CD101: variants seen among roughly 807,000 people sequenced by gnomAD.
The protein encoded by CD101 is CD101 molecule.
A neutral mutation model predicts 98.2 loss-of-function variants in CD101; 76 were observed. The observed-to-expected ratio is 0.77, with a 90% CI of 0.64 to 0.94. CD101 has a LOEUF of 0.94. CD101 is among the 40% of genes least tolerant of loss of function. The pLI, the probability that CD101 is intolerant of heterozygous loss-of-function variation, is 0.00. For synonymous variants in CD101, 471 were observed against 472.7 expected (o/e 1.00, Z 0.05); for missense variants, 1,145 against 1,218.8 (o/e 0.94, Z 0.90).
chr1:117,008,841 G>A (rs1652699471), intron 1 of CD101, among the ~76,000 whole-genome samples: 1 of 152,132 alleles, frequency 6.6e-6, no homozygotes, highest in Non-Finnish European at 1.5e-5. Context: ...CATAAGGCCA[G>A]CAATCTCTCC....
At chr1:117,031,359 C>T (rs925104773) in intron 8 of CD101, among the ~76,000 whole-genome samples, 2 of 152,178 alleles carry the variant, frequency 1.3e-5, no homozygotes, top group East Asian at 1.9e-4. Flanking sequence ...CCATCATTAC[C>T]CCACCATTCT....
intron 1 of CD101, among the ~76,000 whole-genome samples, chr1:117,008,257 G>C (rs1652657204): frequency 6.6e-6 from 1 of 152,144 alleles, no homozygotes; most frequent in Non-Finnish European, 1.5e-5. Flanking sequence ...TTGAGGTCAG[G>C]AGTTCGAGAC....
intron 6 of CD101, among the ~76,000 whole-genome samples, chr1:117,020,670 C>G (rs1272269341): frequency 3.3e-5 from 5 of 152,202 alleles, no homozygotes; most frequent in Non-Finnish European, 7.3e-5. Flanking sequence ...TAGAATGGCT[C>G]TTTGTCTACA....
In CD101 at chr1:117,025,378, T is replaced by TA. The variant is rs200316636; in HGVS notation, c.2429-123dup. ...ACTCTGTCTCAAAAAATAAAAATAA[T>TA]AAAAAAAATAAAATGAATGCACTGA... On this transcript the variant is annotated intron_variant, in intron 7 of 9. Transcript: ENST00000682167. The TA allele has an allele frequency of 6.0e-4, 446 of 738,978 alleles. 8 individuals are homozygous for TA. The East Asian group carries it at 0.011, about 19-fold the overall frequency. The allele number at this position is 738,978 out of a possible 1,614,324, so 45.8% of individuals were successfully genotyped here. A position where few individuals can be genotyped will look rare whatever the true frequency, so the allele number is the denominator to read the frequency against.
chr1:117,013,655 T>C lies in CD101; in HGVS notation c.1091T>C (p.Ile364Thr), dbSNP rs748970193. The change falls in exon 4 of 10, where the codon ATC (isoleucine) becomes ACC (threonine). Residue 364 changes from isoleucine (I) to threonine (T), a missense_variant. By Grantham distance (89) the Ile-to-Thr change is moderately conservative. Transcript: ENST00000682167. ...GGCCCCAAGGCTTTCTCTCTCAAGA[T>C]CTTCTCTCTGGGCCCAGAGGATGAA... ...KLGPKAFSLK[I>T]FSLGPEDEGA... The C allele has an allele frequency of 6.2e-7, 1 of 1,614,078 alleles. No homozygotes were observed. Among genetic ancestry groups the C allele is most frequent in the South Asian group, 1.1e-5 (1 of 91,070 alleles).
chr1:117,013,298 TA>T (rs1219338000), intron 3 of CD101, 107 bp from the exon 4 acceptor site: 4 of 1,334,174 alleles, frequency 3.0e-6, no homozygotes, highest in Non-Finnish European at 4.1e-6. Context: ...AACTCCCACA[TA>T]AAATGTGATC....
intron 8 of CD101, chr1:117,026,506 G>A (rs569429106): frequency 3.9e-5 from 6 of 152,300 alleles, no homozygotes; most frequent in African/African-American, 1.2e-4. Context: ...CTGAGTGCCA[G>A]GCCAAAATGT....
rs953176959 is a variant in CD101 at position 117,021,213 on chromosome 1, C to T, written c.2018-360C>T. 2.0e-5 allele frequency among the ~76,000 whole-genome samples: 3 copies of T among 152,148 alleles called. No homozygotes were observed. The highest frequency in any genetic ancestry group is 2.1e-4 in the South Asian group (1 of 4,830). On this transcript the variant is annotated intron_variant, in intron 6 of 9. Coordinates refer to ENST00000682167, the MANE Select transcript of CD101 (RefSeq NM_001256106.3). The surrounding 1 kb of genome is among the most constrained non-coding windows in gnomAD (Gnocchi z 4.7). ...AGAAGAGATGCTTGTGCTTAAATAC[C>T]GAAGCAGTATCATGTGGAAGAGAGA...
intron 9 of CD101, among the ~76,000 whole-genome samples, chr1:117,035,733 T>C (rs1188044409): frequency 1.3e-5 from 2 of 151,962 alleles, no homozygotes; most frequent in Non-Finnish European, 2.9e-5. Flanking sequence ...TTTGTATTTT[T>C]AGTAGAGACG....
At position 117,013,522 on chromosome 1, in the gene CD101, T is replaced by C; in HGVS notation, c.958T>C (p.Phe320Leu). ...GRDPQLQGIW[F>L]FNGTEIAHID... The stretch of plus-strand genomic sequence containing the variant: ...TGACCCACAGCTTCAAGGCATTTGG[T>C]TCTTCAATGGGACTGAAATTGCTCA... Residue 320 changes from phenylalanine to leucine, a missense_variant, in exon 4 of 10, where the codon TTC (phenylalanine) becomes CTC (leucine). Phe to Leu is a conservative substitution (Grantham distance 22, BLOSUM62 0). Transcript: ENST00000682167. 1 of 1,614,196 alleles carries C rather than the reference T, an allele frequency of 6.2e-7. No homozygotes were observed. The highest frequency in any genetic ancestry group is 8.5e-7 in the Non-Finnish European group (1 of 1,180,028).
Position 117,018,459 on chromosome 1 carries a change from A to T in CD101, c.1916A>T (p.Gln639Leu), listed in dbSNP as rs768294212. 1 of 1,614,098 alleles carries T rather than the reference A, an allele frequency of 6.2e-7. No homozygotes were observed. The highest frequency in any genetic ancestry group is 8.5e-7 in the Non-Finnish European group (1 of 1,180,038). Residue 639 changes from glutamine to leucine, a missense_variant, in exon 6 of 10, where the codon CAG becomes CTG. Physicochemically the swap from Gln to Leu is moderately radical, Grantham distance 113. Coordinates refer to ENST00000682167, the MANE Select transcript of CD101 (RefSeq NM_001256106.3). The surrounding 1 kb of genome is among the most constrained non-coding windows in gnomAD (Gnocchi z 4.3). ...ACTGAGGAAGAGACAGGAGTGTATCAGTGTGAAGTAGAAGTTTATGACAGA... is the reference window on the plus strand; with the variant it reads ...ACTGAGGAAGAGACAGGAGTGTATCTGTGTGAAGTAGAAGTTTATGACAGA... ...DATEEETGVY[Q>L]CEVEVYDRNS...
At position 117,031,503 on chromosome 1, in the gene CD101, G is replaced by A. The variant is rs60287476; in HGVS notation, c.2825-2357G>A. On this transcript the variant is annotated intron_variant, in intron 8 of 9. Coordinates refer to ENST00000682167, the MANE Select transcript of CD101 (RefSeq NM_001256106.3). ...ATGTCACCCAGGTCTGAGGACAGGG[G>A]GACTAGAGATGTAAGGGAGAGAGAG... is the stretch of plus-strand genomic sequence containing the variant. 3.4e-3 allele frequency among the ~76,000 whole-genome samples: 523 copies of A among 152,284 alleles called. 2 individuals are homozygous for A. The highest frequency in any genetic ancestry group is 0.012 in the African/African-American group (501 of 41,558).
intron 4 of CD101, among the ~76,000 whole-genome samples, chr1:117,014,633 G>A (rs1653100962): frequency 6.6e-6 from 1 of 152,106 alleles, no homozygotes; most frequent in African/African-American, 2.4e-5. Context: ...GATTCACTAG[G>A]CTGGGTTTAA....
chr1:117,028,932 T>C (rs1286850360), intron 8 of CD101, among the ~76,000 whole-genome samples: 2 of 151,846 alleles, frequency 1.3e-5, no homozygotes, highest in Non-Finnish European at 2.9e-5. Flanking sequence ...ATGGCAAAAG[T>C]TGTCAAAAAA....
At chr1:117,013,363 G>A in intron 3 of CD101, 43 bp from the exon 4 acceptor site, 2 of 1,561,972 alleles carry the variant, frequency 1.3e-6, no homozygotes, top group South Asian at 1.2e-5. Flanking sequence ...AAAGGACAGA[G>A]GCTGTGGGCT....
rs559060368 is a variant in CD101, at chr1:117,009,311, G to A, written c.44-539G>A. On this transcript the variant is annotated intron_variant, in intron 1 of 9. Transcript: ENST00000682167. ...AATAGAAAGGAAGTGCTGCTGCCTC[G>A]TCAGATGCTAATGTTGGCTAGTCTT... Among the ~76,000 whole-genome samples the A allele has an allele frequency of 2.3e-3, 356 of 152,306 alleles. 2 individuals are homozygous for A. Among genetic ancestry groups the A allele is most frequent in the Non-Finnish European group, 2.8e-3 (192 of 68,028 alleles).
At chr1:117,002,892 C>T (rs566269689) in intron 1 of CD101, among the ~76,000 whole-genome samples, 4 of 152,194 alleles carry the variant, frequency 2.6e-5, no homozygotes, top group East Asian at 3.9e-4. Flanking sequence ...ACTAAATTTC[C>T]ATTAGAGGCA....
At chr1:117,007,451 G>A (rs540093879) in intron 1 of CD101, among the ~76,000 whole-genome samples, 2 of 151,990 alleles carry the variant, frequency 1.3e-5, no homozygotes, top group African/African-American at 4.8e-5. Flanking sequence ...GAGTTCAAGC[G>A]ATTTTCTTGC....
At chr1:117,007,163 T>A (rs1570710886) in intron 1 of CD101, among the ~76,000 whole-genome samples, 1 of 152,190 alleles carries the variant, frequency 6.6e-6, no homozygotes, top group East Asian at 1.9e-4. Flanking sequence ...TTAAAATAAA[T>A]TTAAAATTTG....
Sources: allele counts gnomAD v4.1 joint callset (sites outside exome capture counted in the v4.1 genomes callset), GRCh38; gene constraint gnomAD v4.1.1; non-coding constraint Gnocchi (gnomAD v3.1); transcripts MANE v1.5; gene names NCBI Gene and HGNC (gene_info 2026-07-23, HGNC 2026-07-21).